The following RORA variants were observed in gnomAD, a reference collection of about 807,000 sequenced individuals.
RORA encodes nuclear receptor ROR-alpha.
Under a neutral mutation model 69.5 loss-of-function variants are expected in RORA, and 7 were observed. The observed-to-expected ratio is 0.10, with a 90% CI of 0.06 to 0.19. The LOEUF (loss-of-function observed/expected upper bound fraction) is 0.19. Ranked by LOEUF, RORA falls within the 10% of genes least tolerant of loss-of-function variation. RORA has a pLI of 1.00. For synonymous variants in RORA, 261 were observed against 240.8 expected (o/e 1.08, Z -0.78); for missense variants, 457 against 663.0 (o/e 0.69, Z 3.41).
chr15:60,881,510 G>C (rs980568907), intron 1 of RORA, among the ~76,000 whole-genome samples: 2 of 152,210 alleles, frequency 1.3e-5, no homozygotes, highest in African/African-American at 2.4e-5. Flanking sequence ...CTGGCCATTA[G>C]AGCTGAGGCT....
At chr15:60,738,861 C>A (rs1016477468) in intron 1 of RORA, among the ~76,000 whole-genome samples, 5 of 152,196 alleles carry the variant, frequency 3.3e-5, no homozygotes, top group Non-Finnish European at 7.3e-5. Context: ...CATTCCAGTC[C>A]TCTGTCCTAG....
chr15:60,682,879 C>T (rs908084050), intron 1 of RORA, among the ~76,000 whole-genome samples: 3 of 152,164 alleles, frequency 2.0e-5, no homozygotes, highest in Non-Finnish European at 4.4e-5. Context: ...TGGTGAATGA[C>T]GGGGTGGAAC....
chr15:60,691,241 A>G (rs1037684488), intron 1 of RORA, among the ~76,000 whole-genome samples: 6 of 151,964 alleles, frequency 3.9e-5, no homozygotes, highest in African/African-American at 1.5e-4. Flanking sequence ...GCTTATCCAC[A>G]TTCGCTCTCC....
At chr15:60,894,183 T>A (rs1431191163) in intron 1 of RORA, among the ~76,000 whole-genome samples, 3 of 152,236 alleles carry the variant, frequency 2.0e-5, no homozygotes, top group African/African-American at 7.2e-5. Context: ...GCTTCACTTT[T>A]CATGTGAAGC....
chr15:60,690,861 G>A (rs115740714), intron 1 of RORA, among the ~76,000 whole-genome samples: 1,655 of 152,242 alleles, frequency 0.011, 35 homozygotes, highest in African/African-American at 0.037. Flanking sequence ...CACCTCAACT[G>A]GACCCAGGAA....
intron 1 of RORA, among the ~76,000 whole-genome samples, chr15:61,171,494 C>T (rs747984686): frequency 3.3e-5 from 5 of 152,196 alleles, no homozygotes; most frequent in Non-Finnish European, 7.3e-5. Flanking sequence ...CTAAGAACCA[C>T]CCCTCTGCAG....
At chr15:60,558,133 C>T (rs2067421448) in intron 2 of RORA, 1 of 870,048 alleles carries the variant, frequency 1.1e-6, no homozygotes, top group Non-Finnish European at 1.8e-6. Flanking sequence ...CCCAGTGCCA[C>T]ACCGGGGGAA....
chr15:60,663,478 G>A lies in RORA; in HGVS notation c.196+15179C>T, dbSNP rs1464302782. 4.6e-5 allele frequency among the ~76,000 whole-genome samples: 7 copies of A among 152,150 alleles called. No homozygotes were observed. The South Asian group carries it at 8.3e-4, about 18-fold the overall frequency. ...AGACTTTTTTTGTTGTTGCTGTTAC[G>A]GAGTTTCACTCTTGTTGCCCAGGCT... On this transcript the variant is annotated intron_variant, in intron 2 of 10. Coordinates refer to ENST00000335670, the MANE Select transcript of RORA (RefSeq NM_134261.3).
Position 60,531,983 on chromosome 15 carries a change from T to G in RORA, c.197-132A>C, listed in dbSNP as rs1188161422. 1 of 560,382 alleles carries G rather than the reference T, an allele frequency of 1.8e-6. No individual in the cohort carries two copies. The highest frequency in any genetic ancestry group is 3.1e-6 in the Non-Finnish European group (1 of 322,498). The allele number at this position is 560,382 out of a possible 1,614,324, so 34.7% of individuals were successfully genotyped here. On this transcript the variant is annotated intron_variant, in intron 2 of 10. Coordinates refer to ENST00000335670, the MANE Select transcript of RORA (RefSeq NM_134261.3). This position sits in a 1 kb window ranked among gnomAD's most constrained non-coding sequence, Gnocchi z 4.8. Reference sequence around the variant, plus strand: ...TTATACTGCATTAACTATTCATTGCTGAACTGTGAGGGTCCCCCTAGAGCC... The same window carrying G: ...TTATACTGCATTAACTATTCATTGCGGAACTGTGAGGGTCCCCCTAGAGCC...
intron 10 of RORA, among the ~76,000 whole-genome samples, chr15:60,498,235 A>T (rs570559755): frequency 1.9e-4 from 29 of 152,188 alleles, no homozygotes; most frequent in Middle Eastern, 3.4e-3. Flanking sequence ...GACTTCTTCT[A>T]CTCCAAGATG....
intron 2 of RORA, chr15:60,592,554 C>T: frequency 7.9e-7 from 1 of 1,265,432 alleles, no homozygotes; most frequent in Non-Finnish European, 9.9e-7. Context: ...CATCCCGAGC[C>T]ATAAGAGGCT....
chr15:60,693,448 A>G (rs1379917648), intron 1 of RORA, among the ~76,000 whole-genome samples: 2 of 152,214 alleles, frequency 1.3e-5, no homozygotes, highest in Non-Finnish European at 2.9e-5. Flanking sequence ...AATTCTGGCC[A>G]AGGCAGTCAG....
At chr15:61,152,302 T>C (rs1219972544) in intron 1 of RORA, among the ~76,000 whole-genome samples, 1 of 152,004 alleles carries the variant, frequency 6.6e-6, no homozygotes, top group South Asian at 2.1e-4. Flanking sequence ...AAGAAGCTAC[T>C]AGAAGGAAGT....
At chr15:61,005,844 A>G (rs1894894721) in intron 1 of RORA, among the ~76,000 whole-genome samples, 1 of 152,130 alleles carries the variant, frequency 6.6e-6, no homozygotes, top group South Asian at 2.1e-4. Context: ...GAGTGTGCGT[A>G]TGTCTGTGTA....
chr15:60,614,797 G>A (rs2069186435), intron 2 of RORA: 5 of 936,922 alleles, frequency 5.3e-6, no homozygotes, highest in Non-Finnish European at 8.0e-6. Flanking sequence ...TAATCATAAG[G>A]TTTAAATGAG....
At chr15:61,219,835 A>G (rs1349793469) in intron 1 of RORA, among the ~76,000 whole-genome samples, 1 of 152,226 alleles carries the variant, frequency 6.6e-6, no homozygotes, top group African/African-American at 2.4e-5. Context: ...TGGTAGCATC[A>G]TGAGTGAGTA....
chr15:60,906,259 G>T (rs1891537599), intron 1 of RORA, among the ~76,000 whole-genome samples: 1 of 152,134 alleles, frequency 6.6e-6, no homozygotes, highest in South Asian at 2.1e-4. Context: ...CCTTCTTGCT[G>T]CCTAATTGCA....
intron 1 of RORA, among the ~76,000 whole-genome samples, chr15:60,954,565 G>A (rs2140337291): frequency 6.6e-6 from 1 of 152,242 alleles, no homozygotes; most frequent in South Asian, 2.1e-4. Context: ...GGCCCCAGTG[G>A]ATTTGGTATT....
At chr15:60,743,294 C>T (rs954868803) in intron 1 of RORA, among the ~76,000 whole-genome samples, 4 of 152,098 alleles carry the variant, frequency 2.6e-5, no homozygotes, top group African/African-American at 4.8e-5. Flanking sequence ...GGATTACAGG[C>T]GTGAGCCACC....
Sources: allele counts gnomAD v4.1 joint callset (sites outside exome capture counted in the v4.1 genomes callset), GRCh38; gene constraint gnomAD v4.1.1; non-coding constraint Gnocchi (gnomAD v3.1); transcripts MANE v1.5; gene names NCBI Gene and HGNC (gene_info 2026-07-23, HGNC 2026-07-21).